The following MYH15 variants were observed in gnomAD, a reference collection of about 807,000 sequenced individuals.
MYH15 encodes the protein myosin heavy chain 15.
A neutral mutation model predicts 240.5 loss-of-function variants in MYH15; 227 were observed. The observed-to-expected ratio is 0.94, with a 90% CI of 0.85 to 1.05. The LOEUF is 1.05. Ranked by LOEUF, MYH15 falls within the 50% of genes least tolerant of loss-of-function variation. MYH15 has a pLI of 0.00. For missense variants in MYH15, 2,217 were observed against 2,247.5 expected, an observed-to-expected ratio of 0.99 and a Z score of 0.27; for synonymous variants, 785 against 796.7, an observed-to-expected ratio of 0.99 and a Z score of 0.25.
intron 1 of MYH15, among the ~76,000 whole-genome samples, chr3:108,525,185 T>C (rs1005548694): frequency 6.6e-6 from 1 of 152,044 alleles, no homozygotes; most frequent in African/African-American, 2.4e-5. Flanking sequence ...TACTTCAAAA[T>C]AGTAATTAGC....
intron 12 of MYH15, among the ~76,000 whole-genome samples, chr3:108,474,796 C>G (rs1306295285): frequency 6.6e-6 from 1 of 152,160 alleles, no homozygotes; most frequent in Non-Finnish European, 1.5e-5. Flanking sequence ...CAAGAAATAG[C>G]TCAGTTATGT....
intron 32 of MYH15, among the ~76,000 whole-genome samples, chr3:108,407,671 C>A (rs939331332): frequency 3.9e-5 from 6 of 152,156 alleles, no homozygotes; most frequent in Non-Finnish European, 8.8e-5. Context: ...CACTTTGAAT[C>A]TTATTTCTGA....
chr3:108,479,516 C>A (rs2083249334), intron 11 of MYH15, among the ~76,000 whole-genome samples: 1 of 152,178 alleles, frequency 6.6e-6, no homozygotes, highest in South Asian at 2.1e-4. Flanking sequence ...ACTTTGACTG[C>A]ACACTGGGGT....
At chr3:108,496,146 C>A (rs1382706654) in intron 6 of MYH15, among the ~76,000 whole-genome samples, 3 of 152,152 alleles carry the variant, frequency 2.0e-5, no homozygotes, top group African/African-American at 7.2e-5. Flanking sequence ...GGGGGAAAAG[C>A]AAATGGTCAC....
At chr3:108,484,491 T>G (rs2083290746) in intron 11 of MYH15, among the ~76,000 whole-genome samples, 1 of 152,182 alleles carries the variant, frequency 6.6e-6, no homozygotes, top group Non-Finnish European at 1.5e-5. Context: ...TTTATTTTAT[T>G]TTTTTGAGAC....
intron 39 of MYH15, 54 bp from the exon 40 acceptor site, chr3:108,383,783 T>G (rs1576199096): frequency 2.0e-6 from 2 of 1,024,340 alleles, no homozygotes; most frequent in Non-Finnish European, 2.6e-6. Flanking sequence ...TAGTCAGGTG[T>G]TTTTTTTTTC....
chr3:108,503,270 G>A lies in MYH15; in HGVS notation c.196-1415C>T, dbSNP rs149612297. 5.9e-3 allele frequency among the ~76,000 whole-genome samples: 905 copies of A among 152,236 alleles called. 7 individuals carry two copies. The highest frequency in any genetic ancestry group is 0.021 in the African/African-American group (870 of 41,534). On this transcript the variant is annotated intron_variant, in intron 2 of 40. Transcript: ENST00000693548. ...CAAATCACCTTAAGTGCTGTTGAAGGGACAGTAGTTTGTTTTGGAGAATGT... is the reference window on the plus strand; with the variant it reads ...CAAATCACCTTAAGTGCTGTTGAAGAGACAGTAGTTTGTTTTGGAGAATGT...
chr3:108,533,229 A>C (rs980759461), upstream of MYH15, among the ~76,000 whole-genome samples: 1 of 149,610 alleles, frequency 6.7e-6, no homozygotes, highest in Non-Finnish European at 1.5e-5. Flanking sequence ...AACAGAATGC[A>C]GTAGAAAGAA....
At chr3:108,537,802 CG>C in the MYH15 span, among the ~76,000 whole-genome samples, 1 of 152,042 alleles carries the variant, frequency 6.6e-6, no homozygotes, top group East Asian at 1.9e-4. Flanking sequence ...AAATGGGAGA[CG>C]GGGAAAAACA....
In MYH15 at chr3:108,393,420, C is replaced by T. The variant is rs575329213; in HGVS notation, c.5259+611G>A. On this transcript the variant is annotated intron_variant, in intron 36 of 40. Coordinates refer to ENST00000693548, the MANE Select transcript of MYH15 (RefSeq NM_014981.3). ...CCCGCTGAGAGAAGTGCTGCATCTGCCCACAGGGGGTGCCCAGAGGGTGGC... is the reference window on the plus strand; with the variant it reads ...CCCGCTGAGAGAAGTGCTGCATCTGTCCACAGGGGGTGCCCAGAGGGTGGC... Among the ~76,000 whole-genome samples, 3 of 152,316 alleles carry T rather than the reference C, an allele frequency of 2.0e-5. No homozygotes were observed. In the South Asian group the frequency reaches 6.2e-4, roughly 32 times the overall value.
At chr3:108,529,484 G>A (rs527978897), upstream of MYH15, among the ~76,000 whole-genome samples, 67 of 152,336 alleles carry the variant, frequency 4.4e-4, no homozygotes, top group African/African-American at 1.6e-3. Context: ...AGAGCACATT[G>A]TGGAAGGCTT....
upstream of MYH15, among the ~76,000 whole-genome samples, chr3:108,513,658 C>T (rs1443276097): frequency 6.6e-6 from 1 of 152,124 alleles, no homozygotes; most frequent in Admixed American, 6.6e-5. Context: ...TAATCTAAGA[C>T]TGACCCAAGT....
intron 24 of MYH15, 54 bp from the exon 25 acceptor site, chr3:108,437,753 C>G: frequency 1.3e-6 from 2 of 1,538,690 alleles, no homozygotes; most frequent in Non-Finnish European, 1.7e-6. Flanking sequence ...TTATACTTCA[C>G]TAGATGTGTT....
intron 25 of MYH15, among the ~76,000 whole-genome samples, chr3:108,437,209 T>C (rs1201823422): frequency 6.6e-6 from 1 of 151,582 alleles, no homozygotes; most frequent in African/African-American, 2.4e-5. Flanking sequence ...TTTTACATTT[T>C]ATGCCATTGG....
At chr3:108,501,962 T>G in intron 2 of MYH15, 107 bp from the exon 3 acceptor site, 1 of 1,202,708 alleles carries the variant, frequency 8.3e-7, no homozygotes. Context: ...AAATGATGCC[T>G]CATTAGGGGA....
At chr3:108,450,004 C>G (rs1253434160) in intron 21 of MYH15, among the ~76,000 whole-genome samples, 2 of 151,790 alleles carry the variant, frequency 1.3e-5, no homozygotes. Flanking sequence ...AAATCAAAAC[C>G]ACAATGAGAT....
chr3:108,485,661 G>T (rs558886836), intron 10 of MYH15, among the ~76,000 whole-genome samples: 5 of 152,284 alleles, frequency 3.3e-5, no homozygotes, highest in African/African-American at 1.2e-4. Context: ...GAAAAGAAAG[G>T]TTTAAGAAAA....
chr3:108,461,784 G>GT (rs1438027205), intron 16 of MYH15: 1 of 152,206 alleles, frequency 6.6e-6, no homozygotes, highest in East Asian at 1.9e-4. Context: ...TTTCAGGCAT[G>GT]TTCCAGAATT....
chr3:108,481,832 C>T (rs1177007459), intron 11 of MYH15, among the ~76,000 whole-genome samples: 1 of 152,110 alleles, frequency 6.6e-6, no homozygotes, highest in African/African-American at 2.4e-5. Context: ...TACATTTGCA[C>T]CAACCTAATA....
Sources: allele counts gnomAD v4.1 joint callset (sites outside exome capture counted in the v4.1 genomes callset), GRCh38; gene constraint gnomAD v4.1.1; transcripts MANE v1.5; gene names NCBI Gene and HGNC (gene_info 2026-07-23, HGNC 2026-07-21).